The following PDE8B variants were observed in gnomAD, a reference collection of about 807,000 sequenced individuals.
PDE8B encodes high affinity cAMP-specific and IBMX-insensitive 3',5'-cyclic phosphodiesterase 8B.
PDE8B carries 26 observed loss-of-function variants against 101.3 expected under a neutral mutation model. The observed-to-expected ratio is 0.26, with a 90% CI of 0.19 to 0.36. The LOEUF is 0.36. Ranked by LOEUF, PDE8B falls within the 10% of genes least tolerant of loss-of-function variation. PDE8B has a pLI of 1.00. For synonymous variants in PDE8B, 424 were observed against 429.3 expected (o/e 0.99, Z 0.15); for missense variants, 810 against 1,163.1 (o/e 0.70, Z 4.42).
At chr5:77,264,158 A>G (rs1580668410) in intron 1 of PDE8B, among the ~76,000 whole-genome samples, 1 of 152,350 alleles carries the variant, frequency 6.6e-6, no homozygotes, top group East Asian at 1.9e-4. Flanking sequence ...TTTAATGGAC[A>G]TACCTCATTT....
At chr5:77,109,273 G>A in the PDE8B span, among the ~76,000 whole-genome samples, 1 of 152,138 alleles carries the variant, frequency 6.6e-6, no homozygotes, top group Non-Finnish European at 1.5e-5. Flanking sequence ...CAATGAGTCT[G>A]TTATCCCACT....
intron 17 of PDE8B, among the ~76,000 whole-genome samples, chr5:77,415,531 G>A (rs1273380875): frequency 1.3e-5 from 2 of 151,860 alleles, no homozygotes; most frequent in Non-Finnish European, 2.9e-5. Context: ...GCTAATTTTT[G>A]TATGTTTAGT....
the PDE8B span, among the ~76,000 whole-genome samples, chr5:77,115,957 A>G: frequency 3.9e-4 from 60 of 152,150 alleles, no homozygotes; most frequent in African/African-American, 1.4e-3. Flanking sequence ...AACCTAGCAG[A>G]GTGACATGCT....
chr5:77,347,052 A>G (rs1385632122), intron 7 of PDE8B, among the ~76,000 whole-genome samples: 3 of 152,176 alleles, frequency 2.0e-5, no homozygotes, highest in African/African-American at 4.8e-5. Flanking sequence ...CTGTCTATCC[A>G]TCTGTTATCT....
At chr5:77,157,349 A>T in the PDE8B span, among the ~76,000 whole-genome samples, 2 of 152,182 alleles carry the variant, frequency 1.3e-5, no homozygotes, top group Non-Finnish European at 2.9e-5. Context: ...GAGGTGTGAA[A>T]CACCGGAGTG....
the PDE8B span, chr5:77,115,405 A>G: frequency 6.6e-6 from 1 of 152,246 alleles, no homozygotes; most frequent in African/African-American, 2.4e-5. Flanking sequence ...AGGAATATAA[A>G]GAAACATTTC....
chr5:77,423,144 G>A (rs1388727610), intron 20 of PDE8B, among the ~76,000 whole-genome samples: 1 of 152,168 alleles, frequency 6.6e-6, no homozygotes, highest in Admixed American at 6.5e-5. Flanking sequence ...CTTCACTTTA[G>A]GATAATGGCC....
intron 10 of PDE8B, chr5:77,358,413 G>A (rs949330629): frequency 4.1e-6 from 4 of 984,528 alleles, no homozygotes; most frequent in Non-Finnish European, 4.8e-6. Flanking sequence ...GACACTTTTT[G>A]TCTGCACCAC....
At chr5:77,414,492 C>T (rs1007782529) in intron 17 of PDE8B, among the ~76,000 whole-genome samples, 5 of 152,160 alleles carry the variant, frequency 3.3e-5, no homozygotes, top group African/African-American at 4.8e-5. Context: ...ACGATCTCAG[C>T]TCACTGCAAA....
At chr5:77,342,016 G>C (rs771833454) in intron 6 of PDE8B, among the ~76,000 whole-genome samples, 1 of 152,086 alleles carries the variant, frequency 6.6e-6, no homozygotes, top group Non-Finnish European at 1.5e-5. Flanking sequence ...CTTCATTTCT[G>C]CAACTATAGG....
At chr5:77,301,058 G>A (rs2150035976) in intron 1 of PDE8B, among the ~76,000 whole-genome samples, 1 of 152,362 alleles carries the variant, frequency 6.6e-6, no homozygotes, top group East Asian at 1.9e-4. Context: ...CTTGGTGACT[G>A]AAGGTCATGG....
At chr5:77,109,927 G>GTTTTTTTTTTTTTTTTTTTTTTTTTT in the PDE8B span, among the ~76,000 whole-genome samples, 5 of 67,264 alleles carry the variant, frequency 7.4e-5, 1 homozygote, top group African/African-American at 2.9e-4. Context: ...TTGTATTTCA[G>GTTTTTTTTTTTTTTTTTTTTTTTTTT]TTTTTTTTTT....
intron 4 of PDE8B, 114 bp downstream of exon 4, chr5:77,329,171 A>G (rs757366049): frequency 9.1e-6 from 7 of 772,764 alleles, no homozygotes; most frequent in African/African-American, 3.4e-5. Context: ...GGGTCCTAGA[A>G]CACCAGCCTT....
At chr5:77,326,288 A>G (rs1290114719) in intron 3 of PDE8B, among the ~76,000 whole-genome samples, 1 of 152,222 alleles carries the variant, frequency 6.6e-6, no homozygotes, top group Non-Finnish European at 1.5e-5. Flanking sequence ...AGGCCTGTTC[A>G]TAAATAAATG....
At chr5:77,408,426 C>T (rs11956168) in intron 13 of PDE8B, among the ~76,000 whole-genome samples, 10,732 of 152,184 alleles carry the variant, frequency 0.071, 417 homozygotes, top group Middle Eastern at 0.12. Flanking sequence ...GGGAACAAGA[C>T]TGCAGTTTAG....
the PDE8B span, among the ~76,000 whole-genome samples, chr5:77,162,745 A>G: frequency 0.039 from 5,877 of 152,300 alleles, 370 homozygotes; most frequent in African/African-American, 0.13. Flanking sequence ...ATGGCAAGCT[A>G]GCCCATTACA....
At chr5:77,190,603 G>A in the PDE8B span, among the ~76,000 whole-genome samples, 1 of 152,320 alleles carries the variant, frequency 6.6e-6, no homozygotes, top group East Asian at 1.9e-4. Flanking sequence ...ACACACAGAT[G>A]AGTGTGATGG....
At chr5:77,375,001 T>C (rs762583338) in intron 10 of PDE8B, among the ~76,000 whole-genome samples, 1 of 152,162 alleles carries the variant, frequency 6.6e-6, no homozygotes, top group African/African-American at 2.4e-5. Context: ...TCTCTAATTC[T>C]TGAGAAATTG....
chr5:77,236,500 T>A (rs1336276894), intron 1 of PDE8B, among the ~76,000 whole-genome samples: 1 of 152,210 alleles, frequency 6.6e-6, no homozygotes, highest in African/African-American at 2.4e-5. Context: ...TTCACTTGAA[T>A]GCCAAGTGGA....
Sources: gnomAD v4.1 joint callset for allele counts (sites outside exome capture counted in the v4.1 genomes callset) on GRCh38, gnomAD v4.1.1 for gene constraint, MANE v1.5 for transcripts, NCBI Gene and HGNC (gene_info 2026-07-23, HGNC 2026-07-21) for gene names.